The following LRP2 variants were observed in gnomAD, a reference collection of about 807,000 sequenced individuals.
LRP2 encodes the protein LDL receptor related protein 2, also known as low-density lipoprotein receptor-related protein 2.
A neutral mutation model predicts 531.0 loss-of-function variants in LRP2; 172 were observed. The observed-to-expected ratio is 0.32, with a 90% CI of 0.29 to 0.37. The LOEUF (loss-of-function observed/expected upper bound fraction) is 0.37. LRP2 is among the 10% of genes least tolerant of loss of function. The probability of loss-of-function intolerance (pLI) is 1.00; values close to 1 mark genes in which losing one functional copy is unlikely to be tolerated. For synonymous variants in LRP2, 1,992 were observed against 2,027.6 expected (o/e 0.98, Z 0.47); for missense variants, 5,167 against 5,868.3 (o/e 0.88, Z 3.90).
intron 16 of LRP2, among the ~76,000 whole-genome samples, chr2:169,266,429 C>A (rs1310279955): frequency 6.6e-6 from 1 of 151,886 alleles, no homozygotes; most frequent in Non-Finnish European, 1.5e-5. Flanking sequence ...AAAATGATAT[C>A]CAACATTTAC....
At chr2:169,316,270 G>C (rs1019832662) in intron 3 of LRP2, among the ~76,000 whole-genome samples, 3 of 152,164 alleles carry the variant, frequency 2.0e-5, no homozygotes, top group Non-Finnish European at 2.9e-5. Context: ...CAGTGAAAAA[G>C]AGGAAGGAAT....
At chr2:169,142,638 C>G in intron 71 of LRP2, 36 bp downstream of exon 71, 1 of 1,611,954 alleles carries the variant, frequency 6.2e-7, no homozygotes, top group Non-Finnish European at 8.5e-7. Context: ...GAGGAGTGCT[C>G]CCAGGCCCCC....
intron 9 of LRP2, among the ~76,000 whole-genome samples, chr2:169,283,216 A>G (rs979765931): frequency 6.6e-6 from 1 of 152,222 alleles, no homozygotes; most frequent in South Asian, 2.1e-4. Flanking sequence ...TACATGAAGG[A>G]TAACTTTACA....
At chr2:169,268,183 G>A (rs1194041802) in intron 16 of LRP2, among the ~76,000 whole-genome samples, 2 of 152,166 alleles carry the variant, frequency 1.3e-5, no homozygotes, top group Non-Finnish European at 2.9e-5. Flanking sequence ...GAGGTACAAA[G>A]AGGAGCTGGT....
Position 169,207,218 on chromosome 2 carries a change from C to T in LRP2, c.6502G>A (p.Glu2168Lys), listed in dbSNP as rs1014074124. The T allele has an allele frequency of 2.5e-6, 4 of 1,613,962 alleles. No homozygotes were observed. In the African/African-American group the frequency reaches 5.3e-5, roughly 22 times the overall value. Residue 2168 changes from glutamate (E) to lysine (K), a missense_variant, in exon 39 of 79, where the codon GAA becomes AAA. By Grantham distance (56) the Glu-to-Lys change is moderately conservative. Coordinates refer to ENST00000649046, the MANE Select transcript of LRP2 (RefSeq NM_004525.3). Reference sequence around the variant, plus strand: ...ATCCGCAGAACTTCTATCAGTGTTTCAGAAACAAAGGCATTGGTGAAATAA... The same window carrying T: ...ATCCGCAGAACTTCTATCAGTGTTTTAGAAACAAAGGCATTGGTGAAATAA... ...NLYFTNAFVS[E>K]TLIEVLRINT...
intron 53 of LRP2, 90 bp from the exon 54 acceptor site, chr2:169,176,678 A>G: frequency 8.9e-7 from 1 of 1,126,722 alleles, no homozygotes; most frequent in Non-Finnish European, 1.3e-6. Flanking sequence ...CTTTAAACTC[A>G]TCACCTCTTA....
intron 4 of LRP2, among the ~76,000 whole-genome samples, chr2:169,306,001 C>G (rs1221750354): frequency 6.6e-6 from 1 of 152,044 alleles, no homozygotes; most frequent in Non-Finnish European, 1.5e-5. Context: ...TAACAACACT[C>G]TATCACGTTC....
chr2:169,204,956 C>T (rs6725137), intron 41 of LRP2, among the ~76,000 whole-genome samples: 18,846 of 151,446 alleles, frequency 0.12, 2,161 homozygotes, highest in African/African-American at 0.31. Context: ...TTAAGAAATG[C>T]GCTGAGGAGA....
chr2:169,303,682 G>GTT (rs1319749304), intron 4 of LRP2, among the ~76,000 whole-genome samples: 3 of 146,300 alleles, frequency 2.1e-5, no homozygotes, highest in African/African-American at 7.5e-5. Flanking sequence ...GATTTCTGAG[G>GTT]TTTTTTTTTT....
chr2:169,306,093 A>T (rs1453173073), intron 4 of LRP2, among the ~76,000 whole-genome samples: 1 of 152,156 alleles, frequency 6.6e-6, no homozygotes, highest in African/African-American at 2.4e-5. Context: ...ATCTTTATAC[A>T]GCACATAGTA....
At position 169,282,232 on chromosome 2, in the gene LRP2, A is replaced by G. The variant is rs988155391; in HGVS notation, c.1171+641T>C. 3.3e-5 allele frequency among the ~76,000 whole-genome samples: 5 copies of G among 152,356 alleles called. No individual in the cohort carries two copies. The East Asian group carries it at 5.8e-4, about 18-fold the overall frequency. On this transcript the variant is annotated intron_variant, in intron 10 of 78. Coordinates refer to ENST00000649046, the MANE Select transcript of LRP2 (RefSeq NM_004525.3). ...AAGACACTTCAAAATCAAGTGTTAA[A>G]TAACTATTGGAAAATAGGAGTTTAT...
intron 53 of LRP2, among the ~76,000 whole-genome samples, chr2:169,176,826 G>A (rs1687213067): frequency 6.6e-6 from 1 of 152,178 alleles, no homozygotes; most frequent in South Asian, 2.1e-4. Context: ...ATACCCACTG[G>A]TGTTTCTGAC....
chr2:169,244,624 C>T (rs1689934771), intron 22 of LRP2, 69 bp downstream of exon 22: 1 of 1,603,370 alleles, frequency 6.2e-7, no homozygotes, highest in Non-Finnish European at 8.5e-7. Context: ...GGAAAGAATG[C>T]AAGGCCATTT....
At chr2:169,197,589 C>G (rs1278788167) in intron 45 of LRP2, among the ~76,000 whole-genome samples, 2 of 152,166 alleles carry the variant, frequency 1.3e-5, no homozygotes, top group Non-Finnish European at 2.9e-5. Context: ...TTTTAGGTAG[C>G]TCTGGTTATA....
rs1275251457 is a variant in LRP2 at position 169,247,393 on chromosome 2, C to T, written c.2893G>A (p.Val965Ile). The stretch of plus-strand genomic sequence containing the variant: ...TCTCACTCACCAGTCTGGATGTTGA[C>T]ATCATACGATTTCAAATGCAGTATG... ...AYILHLKSYDVNIQTGSNACN... is the reference protein window; with the variant it reads ...AYILHLKSYDINIQTGSNACN... Residue 965 changes from valine to isoleucine, a missense_variant, in exon 20 of 79, where the codon GTC (valine) becomes ATC (isoleucine). Coordinates refer to ENST00000649046, the MANE Select transcript of LRP2 (RefSeq NM_004525.3). 2 of 1,614,120 alleles carry T rather than the reference C, an allele frequency of 1.2e-6. No individual in the cohort carries two copies. Among genetic ancestry groups the T allele is most frequent in the East Asian group, 2.2e-5 (1 of 44,878 alleles).
chr2:169,355,827 A>G (rs1685972118), intron 1 of LRP2, among the ~76,000 whole-genome samples: 1 of 152,196 alleles, frequency 6.6e-6, no homozygotes. Context: ...ATATTTGACT[A>G]TTTCTGCATA....
At chr2:169,299,134 AG>A (rs1296924181) in intron 4 of LRP2, among the ~76,000 whole-genome samples, 1 of 73,852 alleles carries the variant, frequency 1.4e-5, no homozygotes, top group African/African-American at 4.2e-5. Context: ...AAAGAAAGAA[AG>A]AAAGAAAGAA....
At chr2:169,339,963 C>A (rs985622721) in intron 1 of LRP2, among the ~76,000 whole-genome samples, 1 of 152,100 alleles carries the variant, frequency 6.6e-6, no homozygotes, top group Non-Finnish European at 1.5e-5. Flanking sequence ...CTTATGGATA[C>A]ATCTATATGG....
At chr2:169,139,718 T>C (rs1380189807) in intron 72 of LRP2, 108 bp from the exon 73 acceptor site, 1 of 928,900 alleles carries the variant, frequency 1.1e-6, no homozygotes, top group Non-Finnish European at 1.8e-6. Flanking sequence ...ATAAATTACA[T>C]GTTGAACAGA....
Sources: allele counts gnomAD v4.1 joint callset (sites outside exome capture counted in the v4.1 genomes callset), GRCh38; gene constraint gnomAD v4.1.1; transcripts MANE v1.5; gene names NCBI Gene and HGNC (gene_info 2026-07-23, HGNC 2026-07-21).